Variants in AUTS2 observed in about 807,000 individuals in gnomAD.
AUTS2 encodes autism susceptibility gene 2 protein.
Under a neutral mutation model 112.4 loss-of-function variants are expected in AUTS2, and 17 were observed. That is an observed-to-expected ratio of 0.15 (90% confidence interval 0.10 to 0.23). The LOEUF (loss-of-function observed/expected upper bound fraction) is 0.23, where lower values mean the gene tolerates loss of function less well. Among genes scored for constraint, AUTS2 ranks in the 10% least tolerant of loss-of-function variants. AUTS2 has a pLI of 1.00. For synonymous variants in AUTS2, 751 were observed against 702.7 expected, an observed-to-expected ratio of 1.07 and a Z score of -1.09; for missense variants, 1,510 against 1,701.6, an observed-to-expected ratio of 0.89 and a Z score of 1.98.
chr7:70,038,921 G>A, intron 2 of AUTS2, among the ~76,000 whole-genome samples: 1 of 151,994 alleles, frequency 6.6e-6, no homozygotes, highest in Admixed American at 6.6e-5. Flanking sequence ...ATCATGCCCG[G>A]CTAGTTTTTG....
chr7:69,889,335 A>G (rs1794417393), intron 1 of AUTS2, among the ~76,000 whole-genome samples: 1 of 152,276 alleles, frequency 6.6e-6, no homozygotes, highest in Non-Finnish European at 1.5e-5. Context: ...CCAGTTACCA[A>G]TATTTTGATA....
At chr7:70,731,507 G>A (rs1452908675) in intron 6 of AUTS2, among the ~76,000 whole-genome samples, 1 of 131,918 alleles carries the variant, frequency 7.6e-6, no homozygotes, top group African/African-American at 2.9e-5. Context: ...TCGGCTCACT[G>A]CAAGCTCTGC....
In AUTS2 at chr7:70,118,245, TAAAAA is replaced by T. The variant is rs11418386; in HGVS notation, c.624+30_624+34del. On this transcript the variant is annotated intron_variant, in intron 3 of 18. Coordinates refer to ENST00000342771, the MANE Select transcript of AUTS2 (RefSeq NM_015570.4). Reference sequence around the variant, plus strand: ...AAAGGCTCAGTGATGTAAGTTTAAGTAAAAAAAAAAAAAAAAAAAAAATTAACGAA... The same window carrying T: ...AAAGGCTCAGTGATGTAAGTTTAAGTAAAAAAAAAAAAAAAAATTAACGAA... The T allele has an allele frequency of 1.1e-3, 1,481 of 1,320,882 alleles. No homozygotes were observed. Among genetic ancestry groups the T allele is most frequent in the Admixed American group, 5.7e-3 (166 of 28,920 alleles). 81.8% of individuals were successfully genotyped at this position (1,320,882 alleles called of 1,614,324 possible). A position where few individuals can be genotyped will look rare whatever the true frequency, so the allele number is the denominator to read the frequency against.
intron 1 of AUTS2, among the ~76,000 whole-genome samples, chr7:69,767,184 C>T (rs1562869451): frequency 6.9e-6 from 1 of 144,874 alleles, no homozygotes; most frequent in African/African-American, 2.5e-5. Context: ...TTGTCATCGT[C>T]TTTTTTTTTT....
At chr7:70,499,169 T>C (rs1408068983) in intron 5 of AUTS2, among the ~76,000 whole-genome samples, 3 of 152,118 alleles carry the variant, frequency 2.0e-5, no homozygotes, top group Admixed American at 2.0e-4. Context: ...AATGCACAAC[T>C]GTGGTTCAGT....
At chr7:70,434,059 G>T (rs180696187) in intron 4 of AUTS2, among the ~76,000 whole-genome samples, 1 of 152,052 alleles carries the variant, frequency 6.6e-6, no homozygotes, top group African/African-American at 2.4e-5. Flanking sequence ...CCTCATTTTT[G>T]CAAGATGGCT....
intron 1 of AUTS2, among the ~76,000 whole-genome samples, chr7:69,817,630 G>A (rs1429210359): frequency 6.6e-6 from 1 of 152,190 alleles, no homozygotes; most frequent in Non-Finnish European, 1.5e-5. Context: ...GGGGAAGTAG[G>A]CCTTGAGTTG....
rs1000255918 is a variant in AUTS2, at chr7:70,059,179, C to A, written c.523-58953C>A. Among the ~76,000 whole-genome samples the A allele has an allele frequency of 2.0e-5, 3 of 152,334 alleles. No individual in the cohort carries two copies. In the East Asian group the frequency reaches 5.8e-4, roughly 29 times the overall value. The stretch of plus-strand genomic sequence containing the variant: ...CCTTTGTGCTCTACCTATTCATCCC[C>A]CTACCAAAACCCTGATCTTTTTACT... On this transcript the variant is annotated intron_variant, in intron 2 of 18. Transcript: ENST00000342771.
At chr7:70,433,152 G>T (rs1293467079) in intron 4 of AUTS2, among the ~76,000 whole-genome samples, 1 of 152,174 alleles carries the variant, frequency 6.6e-6, no homozygotes, top group Non-Finnish European at 1.5e-5. Flanking sequence ...TGGACTGTTG[G>T]AAAGCAGGAA....
At chr7:70,435,614 C>A in intron 4 of AUTS2, 138 bp from the exon 5 acceptor site, 1 of 836,442 alleles carries the variant, frequency 1.2e-6, no homozygotes, top group Non-Finnish European at 1.9e-6. Flanking sequence ...GAAACTCTTT[C>A]TTTCCAGGAA....
chr7:70,365,811 A>G (rs555073980), intron 4 of AUTS2, among the ~76,000 whole-genome samples: 2 of 152,366 alleles, frequency 1.3e-5, no homozygotes, highest in African/African-American at 2.4e-5. Flanking sequence ...GATGACAACT[A>G]TCATAGTTTT....
chr7:70,717,251 G>T (rs1466978942), intron 6 of AUTS2, among the ~76,000 whole-genome samples: 1 of 152,018 alleles, frequency 6.6e-6, no homozygotes, highest in African/African-American at 2.4e-5. Context: ...TTGCTATGTT[G>T]CCCAGGCTAG....
At chr7:70,397,501 A>G (rs1359816608) in intron 4 of AUTS2, among the ~76,000 whole-genome samples, 5 of 152,122 alleles carry the variant, frequency 3.3e-5, no homozygotes, top group African/African-American at 7.2e-5. Context: ...TAAACTTTCT[A>G]TATAAATCTT....
intron 1 of AUTS2, among the ~76,000 whole-genome samples, chr7:69,665,165 C>T (rs961448226): frequency 1.3e-5 from 2 of 152,170 alleles, no homozygotes; most frequent in Non-Finnish European, 2.9e-5. Flanking sequence ...CATGTACCCC[C>T]ATCCTAATGT....
chr7:70,678,061 G>A (rs1389939304), intron 5 of AUTS2, among the ~76,000 whole-genome samples: 2 of 152,004 alleles, frequency 1.3e-5, no homozygotes, highest in Non-Finnish European at 2.9e-5. Flanking sequence ...CAGCCTGGGC[G>A]ACAGAGCGAG....
intron 1 of AUTS2, among the ~76,000 whole-genome samples, chr7:69,829,659 G>A (rs1323036542): frequency 6.6e-6 from 1 of 152,148 alleles, no homozygotes; most frequent in East Asian, 1.9e-4. Flanking sequence ...GATCATTAGA[G>A]AAATGCAAAT....
At chr7:70,407,784 A>G (rs1333530459) in intron 4 of AUTS2, among the ~76,000 whole-genome samples, 1 of 151,920 alleles carries the variant, frequency 6.6e-6, no homozygotes. Flanking sequence ...GCCGGGCGTG[A>G]TGGCTCATGC....
intron 2 of AUTS2, among the ~76,000 whole-genome samples, chr7:69,905,196 G>A (rs1795106029): frequency 6.6e-6 from 1 of 152,162 alleles, no homozygotes. Flanking sequence ...ACTTCAGTGA[G>A]ATACATCTTT....
At chr7:70,454,092 C>A (rs1466322887) in intron 5 of AUTS2, among the ~76,000 whole-genome samples, 1 of 152,112 alleles carries the variant, frequency 6.6e-6, no homozygotes, top group Non-Finnish European at 1.5e-5. Flanking sequence ...AAGAAAGAGG[C>A]GGAGGACATA....
Sources: gnomAD v4.1 joint callset for allele counts (sites outside exome capture counted in the v4.1 genomes callset) on GRCh38, gnomAD v4.1.1 for gene constraint, MANE v1.5 for transcripts, NCBI Gene and HGNC (gene_info 2026-07-23, HGNC 2026-07-21) for gene names.